The following CCDC125 variants were observed in gnomAD, a reference collection of about 807,000 sequenced individuals.
CCDC125 encodes coiled-coil domain-containing protein 125.
In CCDC125, 43 loss-of-function variants were observed where a neutral mutation model predicts 57.4. That is an observed-to-expected ratio of 0.75 (90% CI 0.59 to 0.97). The LOEUF is 0.97. Ranked by LOEUF, CCDC125 falls within the 50% of genes least tolerant of loss-of-function variation. The pLI, the probability that CCDC125 is intolerant of heterozygous loss-of-function variation, is 0.00. For missense variants in CCDC125, 563 were observed against 595.7 expected (o/e 0.95, Z 0.57); for synonymous variants, 187 against 195.2 (o/e 0.96, Z 0.35).
chr5:69,325,013 A>G (rs1229412567), intron 1 of CCDC125, among the ~76,000 whole-genome samples: 1 of 152,130 alleles, frequency 6.6e-6, no homozygotes, highest in Non-Finnish European at 1.5e-5. Context: ...CTATATCTTC[A>G]CCACAGTGGC....
chr5:69,287,778 A>G (rs560795611), intron 10 of CCDC125, among the ~76,000 whole-genome samples: 1 of 151,092 alleles, frequency 6.6e-6, no homozygotes, highest in Non-Finnish European at 1.5e-5. Context: ...TATGTTGCCC[A>G]GCCTGGTCTC....
chr5:69,303,080 C>T (rs1305188212), intron 7 of CCDC125, among the ~76,000 whole-genome samples: 3 of 152,136 alleles, frequency 2.0e-5, no homozygotes, highest in Admixed American at 6.6e-5. Context: ...AGTGCAGTGG[C>T]ACAATCATGG....
chr5:69,281,042 C>T lies in CCDC125; in HGVS notation c.*1687G>A, dbSNP rs1752440741. The T allele has an allele frequency of 6.6e-6, 1 of 152,158 alleles. No individual in the cohort carries two copies. Among genetic ancestry groups the T allele is most frequent in the African/African-American group, 2.4e-5 (1 of 41,428 alleles). 9.4% of individuals were successfully genotyped at this position (152,158 alleles called of 1,614,324 possible). ...TCTGGACTGGTCTGGACTTGAGATT[C>T]AGACCAGATCTGTAAGCCACTGCAC... On this transcript the variant is annotated 3_prime_UTR_variant, in exon 12 of 12. Coordinates refer to ENST00000396496, the MANE Select transcript of CCDC125 (RefSeq NM_176816.5).
At chr5:69,297,286 CTGCCTCG>C (rs1400062581) in intron 8 of CCDC125, among the ~76,000 whole-genome samples, 1 of 152,050 alleles carries the variant, frequency 6.6e-6, no homozygotes, top group Non-Finnish European at 1.5e-5. Context: ...AATGATCCAC[CTGCCTCG>C]GCATCCCAAA....
intron 1 of CCDC125, among the ~76,000 whole-genome samples, chr5:69,329,447 C>T (rs1398943527): frequency 6.6e-6 from 1 of 151,044 alleles, no homozygotes; most frequent in Non-Finnish European, 1.5e-5. Flanking sequence ...CTCGGCCTCC[C>T]AAAGTGCTGA....
intron 1 of CCDC125, among the ~76,000 whole-genome samples, chr5:69,324,230 T>C (rs1561186618): frequency 6.6e-6 from 1 of 152,214 alleles, no homozygotes; most frequent in Non-Finnish European, 1.5e-5. Flanking sequence ...TGAACAGATA[T>C]GTCATCAAAG....
intron 1 of CCDC125, among the ~76,000 whole-genome samples, chr5:69,325,550 G>A (rs1192659904): frequency 6.6e-6 from 1 of 150,762 alleles, no homozygotes; most frequent in African/African-American, 2.4e-5. Flanking sequence ...CTCGGGCTGG[G>A]CACAGTGGCT....
chr5:69,329,792 C>T (rs12188076), intron 1 of CCDC125, among the ~76,000 whole-genome samples: 54,275 of 151,916 alleles, frequency 0.36, 10,686 homozygotes, highest in East Asian at 0.5. Flanking sequence ...CATGAGCCAC[C>T]GAGCCCAGCT....
intron 1 of CCDC125, among the ~76,000 whole-genome samples, chr5:69,331,095 G>A (rs1182217284): frequency 1.3e-5 from 2 of 152,010 alleles, no homozygotes; most frequent in Non-Finnish European, 2.9e-5. Context: ...CTGAGGTCAG[G>A]AGTTTGTGAC....
In CCDC125 at chr5:69,291,890, G is replaced by C. The variant is rs76512343; in HGVS notation, c.1099+298C>G. Reference sequence around the variant, plus strand: ...TTGGCAGTTTCCTTTTAATCACCTAGCACTTTTATTGTAAAGTTTTTTCAC... The same window carrying C: ...TTGGCAGTTTCCTTTTAATCACCTACCACTTTTATTGTAAAGTTTTTTCAC... On this transcript the variant is annotated intron_variant, in intron 10 of 11. Coordinates refer to ENST00000396496, the MANE Select transcript of CCDC125 (RefSeq NM_176816.5). Among the ~76,000 whole-genome samples, 18 of 152,088 alleles carry C rather than the reference G, an allele frequency of 1.2e-4. No homozygotes were observed. In the East Asian group the frequency reaches 3.5e-3, roughly 29 times the overall value.
intron 10 of CCDC125, among the ~76,000 whole-genome samples, chr5:69,290,890 A>G (rs565717482): frequency 2.6e-5 from 4 of 152,180 alleles, no homozygotes; most frequent in Admixed American, 6.5e-5. Context: ...TCGGCCTCCC[A>G]AAGTGCTGGG....
chr5:69,283,034 G>A lies in CCDC125; in HGVS notation c.1231C>T (p.Leu411Phe). Reference sequence around the variant, plus strand: ...GCCAAAGCTTCTTCTTTATCATTAAGCTGCATGCACAGAAATTAAACATGT... The same window carrying A: ...GCCAAAGCTTCTTCTTTATCATTAAACTGCATGCACAGAAATTAAACATGT... ...QEVLKMLIDL[L>F]NDKEEALAHQ... Residue 411 changes from leucine (L) to phenylalanine (F), a missense_variant and splice_region_variant, in exon 12 of 12, where the codon CTT becomes TTT. Physicochemically the swap from Leu to Phe is conservative, Grantham distance 22. Coordinates refer to ENST00000396496, the MANE Select transcript of CCDC125 (RefSeq NM_176816.5). 1 of 1,577,472 alleles carries A rather than the reference G, an allele frequency of 6.3e-7. No homozygotes were observed.
At chr5:69,313,472 C>T in intron 3 of CCDC125, 1 of 1,157,828 alleles carries the variant, frequency 8.6e-7, no homozygotes, top group Non-Finnish European at 1.3e-6. Flanking sequence ...GCTTGTAATT[C>T]TTGCTTGATT....
rs920799827 is a variant in CCDC125 at position 69,285,337 on chromosome 5, C to G, written c.1230G>C (p.Leu410Phe). 2.5e-6 allele frequency: 4 copies of G among 1,608,482 alleles called. No individual in the cohort carries two copies. Among genetic ancestry groups the G allele is most frequent in the Non-Finnish European group, 3.4e-6 (4 of 1,178,568 alleles). ...PQEVLKMLID[L>F]LNDKEEALAH... ...TGCAAAAAAAAGCAAAGACACTAAC[C>G]AAATCTATGAGCATCTTAAGGACCT... is the stretch of plus-strand genomic sequence containing the variant. Residue 410 changes from leucine to phenylalanine, a missense_variant and splice_region_variant, in exon 11 of 12, where the codon TTG (leucine) becomes TTC (phenylalanine). Transcript: ENST00000396496.
intron 2 of CCDC125, among the ~76,000 whole-genome samples, chr5:69,319,655 G>GTA (rs1759704457): frequency 6.6e-6 from 1 of 151,030 alleles, no homozygotes; most frequent in Non-Finnish European, 1.5e-5. Flanking sequence ...CTAATTTTTT[G>GTA]TATATTTAGT....
At chr5:69,299,039 T>C (rs1007614220) in intron 8 of CCDC125, among the ~76,000 whole-genome samples, 1 of 152,172 alleles carries the variant, frequency 6.6e-6, no homozygotes, top group African/African-American at 2.4e-5. Flanking sequence ...TCTTAGAACA[T>C]CATCTGAACT....
Position 69,294,845 on chromosome 5 carries a change from C to T in CCDC125, c.872G>A (p.Cys291Tyr). ...CHGPGGNPCSCARMAASTRKL... is the reference protein window; with the variant it reads ...CHGPGGNPCSYARMAASTRKL... ...CCGAGTGGATGCTGCCATTCTGGCACAAGAACAGGGGTTCCCTCCGGGCCC... is the reference window on the plus strand; with the variant it reads ...CCGAGTGGATGCTGCCATTCTGGCATAAGAACAGGGGTTCCCTCCGGGCCC... Residue 291 changes from cysteine (C) to tyrosine (Y), a missense_variant, in exon 9 of 12, where the codon TGT (cysteine) becomes TAT (tyrosine). Coordinates refer to ENST00000396496, the MANE Select transcript of CCDC125 (RefSeq NM_176816.5). 6.2e-7 allele frequency: 1 copy of T among 1,614,198 alleles called. No homozygotes were observed. The highest frequency in any genetic ancestry group is 8.5e-7 in the Non-Finnish European group (1 of 1,180,030).
intron 1 of CCDC125, among the ~76,000 whole-genome samples, chr5:69,322,416 G>T (rs1760172663): frequency 6.6e-6 from 1 of 151,988 alleles, no homozygotes; most frequent in African/African-American, 2.4e-5. Flanking sequence ...GGACCCCTGT[G>T]TATTTCCTTG....
rs998137699 is a variant in CCDC125, at chr5:69,288,714, C to G, written c.1100-3247G>C. On this transcript the variant is annotated intron_variant, in intron 10 of 11. Coordinates refer to ENST00000396496, the MANE Select transcript of CCDC125 (RefSeq NM_176816.5). ...GTACATACAGCCAGTCAGTCAGGAG[C>G]AGCAGAGACAACTCTGTGCTTTTGA... 7.2e-5 allele frequency among the ~76,000 whole-genome samples: 11 copies of G among 152,220 alleles called. No homozygotes were observed. In the South Asian group the frequency reaches 8.3e-4, roughly 11 times the overall value.
Sources: gnomAD v4.1 joint callset for allele counts (sites outside exome capture counted in the v4.1 genomes callset) on GRCh38, gnomAD v4.1.1 for gene constraint, MANE v1.5 for transcripts, NCBI Gene and HGNC (gene_info 2026-07-23, HGNC 2026-07-21) for gene names.